Variants in KCNH7 observed in about 807,000 individuals in gnomAD.
The protein encoded by KCNH7 is voltage-gated inwardly rectifying potassium channel KCNH7.
A neutral mutation model predicts 120.8 loss-of-function variants in KCNH7; 49 were observed. That is an observed-to-expected ratio of 0.41 (90% CI 0.32 to 0.51). KCNH7 has a LOEUF of 0.51. Among genes scored for constraint, KCNH7 ranks in the 20% least tolerant of loss-of-function variants. KCNH7 has a pLI of 0.38. For synonymous variants in KCNH7, 547 were observed against 516.1 expected (o/e 1.06, Z -0.81); for missense variants, 1,097 against 1,446.6 (o/e 0.76, Z 3.92).
intron 2 of KCNH7, among the ~76,000 whole-genome samples, chr2:162,656,643 A>G (rs1574228940): frequency 6.6e-6 from 1 of 152,172 alleles, no homozygotes; most frequent in Non-Finnish European, 1.5e-5. Flanking sequence ...AGGACACTAC[A>G]TTTTGGTTGA....
At chr2:162,534,435 G>A (rs1452033346) in intron 3 of KCNH7, among the ~76,000 whole-genome samples, 1 of 151,278 alleles carries the variant, frequency 6.6e-6, no homozygotes, top group Non-Finnish European at 1.5e-5. Flanking sequence ...TATAGGAACT[G>A]AGGATTTTTT....
intron 2 of KCNH7, among the ~76,000 whole-genome samples, chr2:162,781,210 G>A (rs2105494439): frequency 6.6e-6 from 1 of 151,946 alleles, no homozygotes; most frequent in African/African-American, 2.4e-5. Context: ...CTTCAGCATT[G>A]TGCTAAATGT....
At chr2:162,780,495 A>G (rs1559130597) in intron 2 of KCNH7, among the ~76,000 whole-genome samples, 1 of 152,196 alleles carries the variant, frequency 6.6e-6, no homozygotes, top group Non-Finnish European at 1.5e-5. Context: ...ATCTAGAAAC[A>G]GAATCCTTGA....
At chr2:162,615,497 T>C (rs1044710952) in intron 2 of KCNH7, among the ~76,000 whole-genome samples, 2 of 152,194 alleles carry the variant, frequency 1.3e-5, no homozygotes, top group African/African-American at 2.4e-5. Context: ...GCTTGTGCAT[T>C]CTTTGTAAGA....
chr2:162,629,129 G>T (rs890215463), intron 2 of KCNH7, among the ~76,000 whole-genome samples: 4 of 152,104 alleles, frequency 2.6e-5, no homozygotes, highest in Non-Finnish European at 5.9e-5. Context: ...ACAGGCCAAC[G>T]CTGACTTTCT....
chr2:162,689,774 C>T (rs13386589), intron 2 of KCNH7, among the ~76,000 whole-genome samples: 25,808 of 151,988 alleles, frequency 0.17, 2,539 homozygotes, highest in East Asian at 0.46. Flanking sequence ...TGTTTGCTTT[C>T]CCAGCAGAAA....
chr2:162,642,520 C>T (rs1030956108), intron 2 of KCNH7, among the ~76,000 whole-genome samples: 3 of 152,182 alleles, frequency 2.0e-5, no homozygotes, highest in African/African-American at 7.2e-5. Flanking sequence ...TTTAGCTAAT[C>T]ACAGTACTTC....
Position 162,373,592 on chromosome 2 carries a change from G to A in KCNH7, c.3202C>T (p.Pro1068Ser), listed in dbSNP as rs139719597. The change falls in exon 15 of 16, where the codon CCC becomes TCC. Residue 1068 changes from proline (P) to serine (S), a missense_variant. By Grantham distance (74) the Pro-to-Ser change is moderately conservative (BLOSUM62 -1). Coordinates refer to ENST00000332142, the MANE Select transcript of KCNH7 (RefSeq NM_033272.4). ...GCTGTTACCATACTGTAGGCTGGGG[G>A]GACCACAGTGGTTTGTTTCTGCAGC... ...QLLQKQTTVV[P>S]PAYSMVTAGS... The A allele has an allele frequency of 6.3e-7, 1 of 1,578,652 alleles. No homozygotes were observed. Among genetic ancestry groups the A allele is most frequent in the Non-Finnish European group, 8.6e-7 (1 of 1,161,950 alleles).
chr2:162,753,003 GAAAAGAAAAGAAAAGAAA>G (rs1559116470), intron 2 of KCNH7, among the ~76,000 whole-genome samples: 6 of 145,264 alleles, frequency 4.1e-5, no homozygotes, highest in South Asian at 4.3e-4. Flanking sequence ...GAAAAGAAAA[GAAAAGAAAAGAAAAGAAA>G]AGAAAAGAAA....
At chr2:162,513,322 CTTCCTTCT>C (rs1408115246) in intron 4 of KCNH7, among the ~76,000 whole-genome samples, 5 of 143,104 alleles carry the variant, frequency 3.5e-5, no homozygotes, top group African/African-American at 5.1e-5. Flanking sequence ...TCCTTCTTTC[CTTCCTTCT>C]TTCCTTCCTT....
At chr2:162,662,569 C>T (rs566058957) in intron 2 of KCNH7, among the ~76,000 whole-genome samples, 88 of 152,274 alleles carry the variant, frequency 5.8e-4, no homozygotes, top group Non-Finnish European at 1.1e-3. Flanking sequence ...ATTAGCAAAT[C>T]TAGTCTGTCT....
At chr2:162,392,670 T>C (rs1686778845) in intron 12 of KCNH7, among the ~76,000 whole-genome samples, 1 of 151,904 alleles carries the variant, frequency 6.6e-6, no homozygotes. Flanking sequence ...ACAACATTGA[T>C]TAAATAATGA....
At chr2:162,536,591 ATT>A (rs2105825374) in intron 3 of KCNH7, among the ~76,000 whole-genome samples, 1 of 152,054 alleles carries the variant, frequency 6.6e-6, no homozygotes, top group South Asian at 2.1e-4. Context: ...CTGAAGATAC[ATT>A]TGTCCAATAA....
chr2:162,471,532 G>C (rs971880847), intron 6 of KCNH7, among the ~76,000 whole-genome samples: 2 of 152,088 alleles, frequency 1.3e-5, no homozygotes, highest in African/African-American at 4.8e-5. Context: ...ACCTTACAAG[G>C]GATGTGAAGG....
intron 2 of KCNH7, among the ~76,000 whole-genome samples, chr2:162,652,361 A>C (rs1684594741): frequency 6.6e-6 from 1 of 152,120 alleles, no homozygotes; most frequent in Admixed American, 6.6e-5. Context: ...AAGTATACAG[A>C]AGCAGCCCTC....
At chr2:162,573,084 A>C (rs1388069560) in intron 2 of KCNH7, among the ~76,000 whole-genome samples, 1 of 152,112 alleles carries the variant, frequency 6.6e-6, no homozygotes, top group African/African-American at 2.4e-5. Flanking sequence ...TGAAATTACA[A>C]ATATGGCCTA....
rs1297942190 is a variant in KCNH7, at chr2:162,646,984, TG to T, written c.308-109905del. 2.0e-5 allele frequency among the ~76,000 whole-genome samples: 3 copies of T among 152,198 alleles called. No homozygotes were observed. The East Asian group carries it at 5.8e-4, about 29-fold the overall frequency. On this transcript the variant is annotated intron_variant, in intron 2 of 15. Coordinates refer to ENST00000332142, the MANE Select transcript of KCNH7 (RefSeq NM_033272.4). Reference sequence around the variant, plus strand: ...GTTTTAACCTGATCTGATAACCTTGTGGTAATTCATTACCCAGCAATAGAAA... The same window carrying T: ...GTTTTAACCTGATCTGATAACCTTGTGTAATTCATTACCCAGCAATAGAAA...
At chr2:162,426,613 T>C (rs1317359857) in intron 8 of KCNH7, among the ~76,000 whole-genome samples, 2 of 152,202 alleles carry the variant, frequency 1.3e-5, no homozygotes, top group African/African-American at 4.8e-5. Context: ...CTGACCATAC[T>C]AATATATTTG....
At position 162,505,138 on chromosome 2, in the gene KCNH7, C is replaced by T. The variant is rs373237763; in HGVS notation, c.914-481G>A. 5.3e-5 allele frequency among the ~76,000 whole-genome samples: 8 copies of T among 152,010 alleles called. No individual in the cohort carries two copies. The East Asian group carries it at 5.8e-4, about 11-fold the overall frequency. On this transcript the variant is annotated intron_variant, in intron 5 of 15. Transcript: ENST00000332142. The stretch of plus-strand genomic sequence containing the variant: ...GTGTCACTGAGGAGTGACAAGCCAT[C>T]TAGGCTCTTCATATGTTTCCACTAC...
Sources: allele counts gnomAD v4.1 joint callset (sites outside exome capture counted in the v4.1 genomes callset), GRCh38; gene constraint gnomAD v4.1.1; transcripts MANE v1.5; gene names NCBI Gene and HGNC (gene_info 2026-07-23, HGNC 2026-07-21).